The following CNTNAP2 variants were observed in gnomAD, a reference collection of about 807,000 sequenced individuals.
The protein encoded by CNTNAP2 is contactin-associated protein-like 2.
A neutral mutation model predicts 155.2 loss-of-function variants in CNTNAP2; 98 were observed. That is an observed-to-expected ratio of 0.63 (90% CI 0.54 to 0.75). The LOEUF (loss-of-function observed/expected upper bound fraction) is 0.75, where lower values mean the gene tolerates loss of function less well. Among genes scored for constraint, CNTNAP2 ranks in the 30% least tolerant of loss-of-function variants. The pLI is 0.00. For missense variants in CNTNAP2, 1,727 were observed against 1,688.1 expected, an observed-to-expected ratio of 1.02 and a Z score of -0.40; for synonymous variants, 651 against 631.2, an observed-to-expected ratio of 1.03 and a Z score of -0.47.
intron 8 of CNTNAP2, among the ~76,000 whole-genome samples, chr7:147,256,409 T>C (rs1172373458): frequency 6.6e-6 from 1 of 152,166 alleles, no homozygotes; most frequent in Non-Finnish European, 1.5e-5. Flanking sequence ...TACAGCTTTC[T>C]GTCATGTTAG....
chr7:146,758,446 C>T (rs1008545622), intron 1 of CNTNAP2, among the ~76,000 whole-genome samples: 24 of 152,076 alleles, frequency 1.6e-4, no homozygotes, highest in Middle Eastern at 3.4e-3. Context: ...CTCTGTTTGC[C>T]GCTGTATTGG....
rs34032978 is a variant in CNTNAP2 at position 147,463,958 on chromosome 7, T to TAAAAAAAA, written c.1671-21962_1671-21955dup. ...CAGTATACCTATTTGGCCCCACTAC[T>TAAAAAAAA]AAAAAAAAAAAAAAAAAAAAAAGAG... On this transcript the variant is annotated intron_variant, in intron 10 of 23. Transcript: ENST00000361727. Among the ~76,000 whole-genome samples, 11 of 82,968 alleles carry TAAAAAAAA rather than the reference T, an allele frequency of 1.3e-4. 1 individual carries two copies. Among genetic ancestry groups the TAAAAAAAA allele is most frequent in the Admixed American group, 7.9e-4 (5 of 6,364 alleles). The allele number at this position is 82,968 out of a possible 152,430, so 54.4% of individuals were successfully genotyped here. A position where few individuals can be genotyped will look rare whatever the true frequency, so the allele number is the denominator to read the frequency against.
At chr7:146,670,518 G>T (rs1465040568) in intron 1 of CNTNAP2, among the ~76,000 whole-genome samples, 1 of 152,140 alleles carries the variant, frequency 6.6e-6, no homozygotes, top group Non-Finnish European at 1.5e-5. Context: ...CTTATAGACA[G>T]ACTCGGATTA....
chr7:147,941,105 CT>C (rs998276067), intron 14 of CNTNAP2, among the ~76,000 whole-genome samples: 1 of 152,154 alleles, frequency 6.6e-6, no homozygotes, highest in African/African-American at 2.4e-5. Flanking sequence ...CAGTCTGGCG[CT>C]GAGAGTAGCT....
chr7:147,609,892 A>C (rs1462178959), intron 12 of CNTNAP2, among the ~76,000 whole-genome samples: 1 of 152,150 alleles, frequency 6.6e-6, no homozygotes, highest in Admixed American at 6.5e-5. Flanking sequence ...GAGAGTAAAT[A>C]AATTCGGGGA....
intron 10 of CNTNAP2, among the ~76,000 whole-genome samples, chr7:147,407,060 C>T (rs527492249): frequency 3.3e-5 from 5 of 151,408 alleles, no homozygotes; most frequent in African/African-American, 7.2e-5. Context: ...TCAGTGAAGA[C>T]CCCCCCCTCT....
chr7:147,497,721 C>T (rs975877519), intron 11 of CNTNAP2, among the ~76,000 whole-genome samples: 5 of 152,120 alleles, frequency 3.3e-5, no homozygotes, highest in Admixed American at 2.0e-4. Flanking sequence ...TATCCCTACT[C>T]AGAAAATGAG....
intron 1 of CNTNAP2, among the ~76,000 whole-genome samples, chr7:146,494,758 T>C (rs1265746948): frequency 6.6e-6 from 1 of 152,258 alleles, no homozygotes; most frequent in Non-Finnish European, 1.5e-5. Flanking sequence ...TATTTAAGTA[T>C]ACCCCCTTTA....
At chr7:146,191,747 G>T (rs1253398504) in intron 1 of CNTNAP2, among the ~76,000 whole-genome samples, 1 of 152,174 alleles carries the variant, frequency 6.6e-6, no homozygotes, top group South Asian at 2.1e-4. Flanking sequence ...AAGAAGAGAA[G>T]TATGGCTCTG....
In CNTNAP2 at chr7:147,848,974, T is replaced by C. The variant is rs117130979; in HGVS notation, c.2099-54591T>C. 4.0e-3 allele frequency among the ~76,000 whole-genome samples: 605 copies of C among 152,164 alleles called. 5 individuals carry two copies. The highest frequency in any genetic ancestry group is 6.8e-3 in the Non-Finnish European group (464 of 68,002). ...ATCTCCATATTAGAGATTCTGTAAC[T>C]CACATCACTTATGCCAGGCTCCAGC... On this transcript the variant is annotated intron_variant, in intron 13 of 23. Coordinates refer to ENST00000361727, the MANE Select transcript of CNTNAP2 (RefSeq NM_014141.6).
intron 2 of CNTNAP2, among the ~76,000 whole-genome samples, chr7:146,833,677 C>T (rs1035336997): frequency 2.0e-5 from 3 of 152,044 alleles, no homozygotes; most frequent in African/African-American, 7.2e-5. Context: ...CCAGGTTAGC[C>T]GAGGGCCAGT....
intron 18 of CNTNAP2, 41 bp downstream of exon 18, chr7:148,172,519 T>A: frequency 6.6e-7 from 1 of 1,519,608 alleles, no homozygotes. Flanking sequence ...TTGCGTGTCT[T>A]TTTAAGCCCA....
chr7:147,714,312 A>G (rs1796449419), intron 13 of CNTNAP2, among the ~76,000 whole-genome samples: 1 of 152,120 alleles, frequency 6.6e-6, no homozygotes, highest in Non-Finnish European at 1.5e-5. Context: ...GAAATGATCC[A>G]CATGATAAAG....
At chr7:147,626,212 C>T (rs113103444) in intron 12 of CNTNAP2, among the ~76,000 whole-genome samples, 13,675 of 151,930 alleles carry the variant, frequency 0.09, 1,711 homozygotes, top group African/African-American at 0.26. Context: ...GCACAGGAGC[C>T]GCAGCCAATG....
chr7:147,182,507 T>G (rs1802482641), intron 8 of CNTNAP2, among the ~76,000 whole-genome samples: 1 of 152,180 alleles, frequency 6.6e-6, no homozygotes, highest in African/African-American at 2.4e-5. Flanking sequence ...TTTTTGAACC[T>G]TGAACCTTGG....
chr7:147,626,391 G>A (rs1375449609), intron 12 of CNTNAP2, among the ~76,000 whole-genome samples: 4 of 151,488 alleles, frequency 2.6e-5, no homozygotes, highest in Non-Finnish European at 5.9e-5. Flanking sequence ...CTTCTCTGGT[G>A]AACTATATGA....
intron 1 of CNTNAP2, among the ~76,000 whole-genome samples, chr7:146,328,413 C>T (rs1801130231): frequency 6.6e-6 from 1 of 151,766 alleles, no homozygotes; most frequent in African/African-American, 2.4e-5. Context: ...AATAAAGAAA[C>T]AACGTATATA....
At chr7:147,802,182 G>A (rs555914139) in intron 13 of CNTNAP2, among the ~76,000 whole-genome samples, 3 of 147,486 alleles carry the variant, frequency 2.0e-5, no homozygotes, top group East Asian at 2.1e-4. Flanking sequence ...CAGACGGGGC[G>A]GCGGGGCAGA....
intron 21 of CNTNAP2, among the ~76,000 whole-genome samples, chr7:148,305,114 T>C (rs1305944947): frequency 6.7e-6 from 1 of 150,172 alleles, no homozygotes; most frequent in Non-Finnish European, 1.5e-5. Context: ...TCCCAGCTAC[T>C]TGGGAGGCTG....
Sources: gnomAD v4.1 joint callset for allele counts (sites outside exome capture counted in the v4.1 genomes callset) on GRCh38, gnomAD v4.1.1 for gene constraint, MANE v1.5 for transcripts, NCBI Gene and HGNC (gene_info 2026-07-23, HGNC 2026-07-21) for gene names.